Variants in PHF20 observed in about 807,000 individuals in gnomAD.
The protein encoded by PHF20 is glioma-expressed antigen 2.
A neutral mutation model predicts 113.5 loss-of-function variants in PHF20; 23 were observed. The ratio of observed to expected loss-of-function variants is 0.20; its 90% CI spans 0.15 to 0.29. The LOEUF (loss-of-function observed/expected upper bound fraction) is 0.29, where lower values mean the gene tolerates loss of function less well. Ranked by LOEUF, PHF20 falls within the 10% of genes least tolerant of loss-of-function variation. PHF20 has a pLI of 1.00. For missense variants in PHF20, 943 were observed against 1,219.6 expected (o/e 0.77, Z 3.38); for synonymous variants, 434 against 457.3 (o/e 0.95, Z 0.65).
intron 2 of PHF20, among the ~76,000 whole-genome samples, chr20:35,814,953 T>C (rs2042045323): frequency 6.6e-6 from 1 of 151,688 alleles, no homozygotes; most frequent in Non-Finnish European, 1.5e-5. Context: ...CCCAGCACTT[T>C]GGGAGGCTAA....
intron 10 of PHF20, among the ~76,000 whole-genome samples, chr20:35,908,162 C>G (rs758859732): frequency 6.6e-6 from 1 of 152,228 alleles, no homozygotes; most frequent in East Asian, 1.9e-4. Context: ...GTGCCTGTCC[C>G]AGGCCCTGGA....
chr20:35,790,919 C>T (rs867444085), intron 1 of PHF20, among the ~76,000 whole-genome samples: 1 of 151,988 alleles, frequency 6.6e-6, no homozygotes. Flanking sequence ...ACTGCAGTGG[C>T]GCGATCTTGG....
In PHF20 at chr20:35,893,634, G is replaced by A. The variant is rs147591686; in HGVS notation, c.1283-5736G>A. ...TGGCTTTTTTCTTTTTTTGTTTTCA[G>A]ACAGAGTTTGGCTCTTGTTGCCCAG... On this transcript the variant is annotated intron_variant, in intron 9 of 17. Transcript: ENST00000374012. 8.4e-3 allele frequency among the ~76,000 whole-genome samples: 1,265 copies of A among 151,132 alleles called. 9 individuals carry two copies. The highest frequency in any genetic ancestry group is 0.014 in the Middle Eastern group (4 of 288).
chr20:35,865,116 C>G (rs1218922157), intron 6 of PHF20, among the ~76,000 whole-genome samples: 1 of 151,990 alleles, frequency 6.6e-6, no homozygotes, highest in Non-Finnish European at 1.5e-5. Flanking sequence ...TGCTTGAAAC[C>G]CAGGAGGCGG....
At chr20:35,819,752 T>C (rs2042136718) in intron 2 of PHF20, among the ~76,000 whole-genome samples, 1 of 152,022 alleles carries the variant, frequency 6.6e-6, no homozygotes, top group South Asian at 2.1e-4. Flanking sequence ...CTAGGTGCTA[T>C]GAAATGAAGG....
chr20:35,942,134 A>AGT (rs1449106853), intron 17 of PHF20, among the ~76,000 whole-genome samples: 1 of 151,940 alleles, frequency 6.6e-6, no homozygotes, highest in East Asian at 1.9e-4. Flanking sequence ...AAACTAGCCA[A>AGT]GTGTAGGGGT....
chr20:35,949,016 A>G lies in PHF20; in HGVS notation c.*1389A>G, dbSNP rs1402893896. ...CCTTTGGAATAGTTAAGCACAGGTC[A>G]TTGTGGACATGAATTCAGGCCTCTG... is the stretch of plus-strand genomic sequence containing the variant. On this transcript the variant is annotated 3_prime_UTR_variant, in exon 18 of 18. Transcript: ENST00000374012. The G allele has an allele frequency of 6.5e-6, 1 of 152,674 alleles. No individual in the cohort carries two copies. Among genetic ancestry groups the G allele is most frequent in the Non-Finnish European group, 1.5e-5 (1 of 68,042 alleles). 9.5% of individuals were successfully genotyped at this position (152,674 alleles called of 1,614,324 possible). A position where few individuals can be genotyped will look rare whatever the true frequency, so the allele number is the denominator to read the frequency against.
chr20:35,825,510 C>T (rs954861060), intron 2 of PHF20, among the ~76,000 whole-genome samples: 4 of 152,200 alleles, frequency 2.6e-5, no homozygotes, highest in Admixed American at 1.3e-4. Flanking sequence ...CCTCCTGCCT[C>T]GGCCTCCCAA....
At chr20:35,924,677 T>G (rs2055591695) in intron 13 of PHF20, among the ~76,000 whole-genome samples, 1 of 150,716 alleles carries the variant, frequency 6.6e-6, no homozygotes, top group Non-Finnish European at 1.5e-5. Flanking sequence ...ACTGCAACCT[T>G]CCTCTCCTGG....
At position 35,949,407 on chromosome 20, in the gene PHF20, T is replaced by TAAA. The variant is rs1568821624; in HGVS notation, c.*1781_*1782insAAA. Reference sequence around the variant, plus strand: ...ATTACTGATTTTTCTTTTCTGAAAATACATTTGAGTTTTAATCACATCTGT... The same window carrying TAAA: ...ATTACTGATTTTTCTTTTCTGAAAATAAAACATTTGAGTTTTAATCACATCTGT... On this transcript the variant is annotated 3_prime_UTR_variant, in exon 18 of 18. Transcript: ENST00000374012. The TAAA allele has an allele frequency of 6.5e-6, 1 of 152,690 alleles. No individual in the cohort carries two copies. Among genetic ancestry groups the TAAA allele is most frequent in the Non-Finnish European group, 1.5e-5 (1 of 68,044 alleles). 9.5% of individuals were successfully genotyped at this position (152,690 alleles called of 1,614,324 possible). A position where few individuals can be genotyped will look rare whatever the true frequency, so the allele number is the denominator to read the frequency against.
chr20:35,833,580 A>G (rs1452881447), intron 2 of PHF20, among the ~76,000 whole-genome samples: 2 of 152,120 alleles, frequency 1.3e-5, no homozygotes, highest in African/African-American at 4.8e-5. Context: ...TAAAAATTAC[A>G]TCTGGTGAAC....
Position 35,801,555 on chromosome 20 carries a change from C to T in PHF20, c.33C>T (p.Ile11=), listed in dbSNP as rs2041781751. 6.2e-7 allele frequency: 1 copy of T among 1,613,880 alleles called. No individual in the cohort carries two copies. The highest frequency in any genetic ancestry group is 8.5e-7 in the Non-Finnish European group (1 of 1,179,794). The change falls in exon 2 of 18, where the codon ATC becomes ATT. Residue 11 remains isoleucine (I), a synonymous_variant. Transcript: ENST00000374012. The part of the protein sequence containing the change: MTKHPPNRRG[I]SFEVGAQLEA... ...AGCATCCACCTAACAGACGAGGAAT[C>T]AGCTTTGAAGTGGGAGCCCAGTTGG...
intron 9 of PHF20, among the ~76,000 whole-genome samples, chr20:35,891,642 C>G (rs2054864097): frequency 6.6e-6 from 1 of 152,134 alleles, no homozygotes; most frequent in African/African-American, 2.4e-5. Flanking sequence ...ATGGCCTAGA[C>G]TGGCTGAACT....
intron 9 of PHF20, among the ~76,000 whole-genome samples, chr20:35,872,162 ATCTT>A (rs2054433770): frequency 6.8e-6 from 1 of 146,920 alleles, no homozygotes; most frequent in Non-Finnish European, 1.5e-5. Context: ...TTGATTTTAG[ATCTT>A]TCTTCCTTTT....
intron 3 of PHF20, among the ~76,000 whole-genome samples, chr20:35,844,984 T>C (rs1440122280): frequency 6.6e-6 from 1 of 152,168 alleles, no homozygotes; most frequent in Non-Finnish European, 1.5e-5. Flanking sequence ...ATTTTCATTA[T>C]GACAAAAAGA....
rs1379065331 is a variant in PHF20 at position 35,899,416 on chromosome 20, A to G, written c.1329A>G (p.Ala443=). ...CAGATGATTTTGGGTCATCTAATGCACCAGCTGTCGACCTAGACCATAAGT... is the reference window on the plus strand; with the variant it reads ...CAGATGATTTTGGGTCATCTAATGCGCCAGCTGTCGACCTAGACCATAAGT... ...KKTDDFGSSN[A]PAVDLDHKFR... The change falls in exon 10 of 18, where the codon GCA becomes GCG. Residue 443 remains alanine (A), a synonymous_variant. Transcript: ENST00000374012. The G allele has an allele frequency of 3.1e-6, 5 of 1,613,846 alleles. No homozygotes were observed. The highest frequency in any genetic ancestry group is 4.2e-6 in the Non-Finnish European group (5 of 1,179,738).
At chr20:35,822,521 C>T (rs1243791217) in intron 2 of PHF20, among the ~76,000 whole-genome samples, 8 of 151,674 alleles carry the variant, frequency 5.3e-5, no homozygotes, top group Admixed American at 5.3e-4. Flanking sequence ...TTTAGGTTCA[C>T]AGCAAAATTG....
chr20:35,940,321 C>T (rs1225844060), intron 16 of PHF20, among the ~76,000 whole-genome samples: 1 of 152,138 alleles, frequency 6.6e-6, no homozygotes, highest in African/African-American at 2.4e-5. Context: ...CCAGGGCTAA[C>T]AGTCTTTTCC....
intron 9 of PHF20, among the ~76,000 whole-genome samples, chr20:35,887,026 T>C (rs2054747213): frequency 6.6e-6 from 1 of 152,218 alleles, no homozygotes; most frequent in South Asian, 2.1e-4. Context: ...ACCATCATCA[T>C]AATCTAATCA....
Sources: gnomAD v4.1 joint callset for allele counts (sites outside exome capture counted in the v4.1 genomes callset) on GRCh38, gnomAD v4.1.1 for gene constraint, MANE v1.5 for transcripts, NCBI Gene and HGNC (gene_info 2026-07-23, HGNC 2026-07-21) for gene names.